Variants in EMSY observed in about 807,000 individuals in gnomAD.
EMSY encodes the protein BRCA2-interacting transcriptional repressor EMSY.
Under a neutral mutation model 134.6 loss-of-function variants are expected in EMSY, and 26 were observed. The ratio of observed to expected loss-of-function variants is 0.19; its 90% CI spans 0.14 to 0.27. The LOEUF (loss-of-function observed/expected upper bound fraction) is 0.27. EMSY is among the 10% of genes least tolerant of loss of function. EMSY has a pLI of 1.00. For missense variants in EMSY, 1,305 were observed against 1,611.4 expected, an observed-to-expected ratio of 0.81 and a Z score of 3.26; for synonymous variants, 579 against 577.8, an observed-to-expected ratio of 1.00 and a Z score of -0.03.
intron 4 of EMSY, among the ~76,000 whole-genome samples, chr11:76,454,300 G>T (rs183624393): frequency 6.0e-4 from 92 of 152,200 alleles, no homozygotes; most frequent in African/African-American, 2.1e-3. Context: ...ATAAAATGGG[G>T]TGCTACCTTT....
chr11:76,449,330 G>A (rs1220442087), intron 2 of EMSY, among the ~76,000 whole-genome samples: 1 of 152,176 alleles, frequency 6.6e-6, no homozygotes, highest in African/African-American at 2.4e-5. Context: ...AGGAAGTGAT[G>A]TGGATTCTAT....
intron 4 of EMSY, 151 bp downstream of exon 4, chr11:76,453,539 T>C (rs1947752539): frequency 3.2e-6 from 2 of 623,426 alleles, no homozygotes; most frequent in East Asian, 6.4e-5. Context: ...AAAAGTGATA[T>C]TAACTGTTTA....
chr11:76,473,875 A>G (rs1273348117), intron 8 of EMSY, among the ~76,000 whole-genome samples: 2 of 152,058 alleles, frequency 1.3e-5, no homozygotes, highest in Non-Finnish European at 2.9e-5. Context: ...CACACCTGTA[A>G]TCCCGGCTAC....
intron 8 of EMSY, among the ~76,000 whole-genome samples, chr11:76,478,404 T>G (rs1038007940): frequency 5.4e-4 from 80 of 149,344 alleles, no homozygotes; most frequent in African/African-American, 1.8e-3. Flanking sequence ...AGTGCAGTGG[T>G]GCGATCTTGG....
chr11:76,537,027 T>G (rs1332557013), intron 15 of EMSY, among the ~76,000 whole-genome samples: 1 of 152,226 alleles, frequency 6.6e-6, no homozygotes. Flanking sequence ...ATTACTAGCA[T>G]TTAATGTAAG....
At chr11:76,538,022 G>C (rs765504037) in intron 16 of EMSY, 72 bp downstream of exon 17, 162 of 1,302,884 alleles carry the variant, frequency 1.2e-4, no homozygotes, top group Middle Eastern at 3.9e-4. Flanking sequence ...ATGATTGTGT[G>C]GGGGAGAATA....
Position 76,516,372 on chromosome 11 carries a change from A to T in EMSY, c.1684+60A>T, listed in dbSNP as rs186760525. On this transcript the variant is annotated intron_variant, in intron 11 of 20. Coordinates refer to ENST00000334736, the Ensembl canonical transcript of EMSY. The stretch of plus-strand genomic sequence containing the variant: ...GGCCTTCATTGAGAGGAAAAAAAAA[A>T]CTTACTTCATTGAAGGATTATATTT... 469 of 1,268,408 alleles carry T rather than the reference A, an allele frequency of 3.7e-4. 2 individuals carry two copies. The highest frequency in any genetic ancestry group is 4.5e-5 in the Non-Finnish European group (42 of 934,930). The allele number at this position is 1,268,408 out of a possible 1,614,324, so 78.6% of individuals were successfully genotyped here. A position where few individuals can be genotyped will look rare whatever the true frequency, so the allele number is the denominator to read the frequency against.
chr11:76,450,606 C>T (rs1355336567), intron 2 of EMSY, among the ~76,000 whole-genome samples: 1 of 151,716 alleles, frequency 6.6e-6, no homozygotes, highest in Non-Finnish European at 1.5e-5. Flanking sequence ...ATCCTCCTAC[C>T]TCAGCCTCCT....
In EMSY at chr11:76,482,454, G is replaced by A. The variant is rs570832590; in HGVS notation, c.1108+9614G>A. Among the ~76,000 whole-genome samples the A allele has an allele frequency of 5.9e-5, 9 of 152,266 alleles. No individual in the cohort carries two copies. The East Asian group carries it at 7.7e-4, about 13-fold the overall frequency. ...AAGGTGGATATTAACAAACCTCCCCGAGCTAAGGGAACATGTTCTAACCAA... is the reference window on the plus strand; with the variant it reads ...AAGGTGGATATTAACAAACCTCCCCAAGCTAAGGGAACATGTTCTAACCAA... On this transcript the variant is annotated intron_variant, in intron 8 of 20. Transcript: ENST00000334736.
At chr11:76,487,942 G>A (rs908981996) in intron 8 of EMSY, among the ~76,000 whole-genome samples, 3 of 152,070 alleles carry the variant, frequency 2.0e-5, no homozygotes, top group African/African-American at 7.2e-5. Context: ...ACAAAACACA[G>A]GTAATGTTTT....
chr11:76,453,616 A>G (rs1947756583), intron 4 of EMSY: 1 of 359,462 alleles, frequency 2.8e-6, no homozygotes, highest in East Asian at 4.6e-5. Flanking sequence ...TCCTGTTACA[A>G]TGTAATCTCT....
chr11:76,490,425 T>C (rs1949372637), intron 8 of EMSY, among the ~76,000 whole-genome samples: 1 of 152,210 alleles, frequency 6.6e-6, no homozygotes, highest in African/African-American at 2.4e-5. Flanking sequence ...AGATATCCTG[T>C]GGGATGACGA....
chr11:76,487,845 T>C (rs1448858353), intron 8 of EMSY, among the ~76,000 whole-genome samples: 4 of 152,172 alleles, frequency 2.6e-5, no homozygotes, highest in African/African-American at 9.6e-5. Context: ...ATGAAACACT[T>C]ATGATCCCAA....
At chr11:76,466,004 T>C (rs929514130) in intron 7 of EMSY, among the ~76,000 whole-genome samples, 3 of 152,332 alleles carry the variant, frequency 2.0e-5, no homozygotes, top group African/African-American at 4.8e-5. Flanking sequence ...TAAGCCTGGT[T>C]GGCAGTGTTT....
chr11:76,477,094 G>A (rs1948795335), intron 8 of EMSY, among the ~76,000 whole-genome samples: 1 of 151,566 alleles, frequency 6.6e-6, no homozygotes, highest in African/African-American at 2.4e-5. Flanking sequence ...TTAATGTATT[G>A]TATAATACAT....
chr11:76,524,504 A>G (rs1950774300), intron 12 of EMSY, among the ~76,000 whole-genome samples: 1 of 152,182 alleles, frequency 6.6e-6, no homozygotes. Context: ...CTGAATTTAC[A>G]TAGTAAGCCA....
chr11:76,512,376 G>A (rs1950308691), intron 9 of EMSY, among the ~76,000 whole-genome samples: 1 of 151,964 alleles, frequency 6.6e-6, no homozygotes, highest in African/African-American at 2.4e-5. Flanking sequence ...ATTGACTTTG[G>A]AAACAAAAGA....
chr11:76,547,126 G>A (rs1293925162), intron 20 of EMSY: 1 of 448,870 alleles, frequency 2.2e-6, no homozygotes, highest in East Asian at 7.1e-5. Flanking sequence ...CTTGACATTT[G>A]TCATTCTTTG....
intron 8 of EMSY, among the ~76,000 whole-genome samples, chr11:76,491,303 C>T (rs781225228): frequency 2.6e-5 from 4 of 151,820 alleles, no homozygotes; most frequent in African/African-American, 4.8e-5. Context: ...ACCTCAGCCT[C>T]CTGAGTAGCT....
Sources: gnomAD v4.1 joint callset for allele counts (sites outside exome capture counted in the v4.1 genomes callset) on GRCh38, gnomAD v4.1.1 for gene constraint, MANE v1.5 for transcripts, NCBI Gene and HGNC (gene_info 2026-07-23, HGNC 2026-07-21) for gene names.